Variants in SYNE2 observed in about 807,000 individuals in gnomAD.
SYNE2 encodes spectrin repeat containing nuclear envelope protein 2.
In SYNE2, 431 loss-of-function variants were observed where a neutral mutation model predicts 856.3. That is an observed-to-expected ratio of 0.50 (90% CI 0.47 to 0.55). SYNE2 has a LOEUF of 0.55. Among genes scored for constraint, SYNE2 ranks in the 20% least tolerant of loss-of-function variants. SYNE2 has a pLI of 0.00. For missense variants in SYNE2, 8,129 were observed against 8,023.2 expected (o/e 1.01, Z -0.50); for synonymous variants, 2,923 against 2,872.3 (o/e 1.02, Z -0.56).
intron 44 of SYNE2, among the ~76,000 whole-genome samples, chr14:64,030,368 A>G (rs1007753571): frequency 1.3e-5 from 2 of 152,310 alleles, no homozygotes; most frequent in East Asian, 3.9e-4. Flanking sequence ...CTTGGCTGTT[A>G]GTTGGATGAA....
At chr14:63,863,088 G>A (rs911185807) in intron 1 of SYNE2, among the ~76,000 whole-genome samples, 8 of 152,150 alleles carry the variant, frequency 5.3e-5, no homozygotes, top group African/African-American at 1.4e-4. Context: ...CTGAGCCACC[G>A]TGCCTGGCCT....
rs529089542 is a variant in SYNE2 at position 64,058,212 on chromosome 14, G to C, written c.10067+1946G>C. ...TCTTTGCCCAGTCTGGTGTCCTAGA[G>C]AGTTTTCCCCAATGTTTTCTTTTAG... On this transcript the variant is annotated intron_variant, in intron 49 of 115. Coordinates refer to ENST00000555002, the MANE Select transcript of SYNE2 (RefSeq NM_182914.3). 5.3e-5 allele frequency among the ~76,000 whole-genome samples: 8 copies of C among 152,274 alleles called. No homozygotes were observed. In the East Asian group the frequency reaches 1.5e-3, roughly 29 times the overall value.
Position 64,088,215 on chromosome 14 carries a change from A to G in SYNE2, c.11670+359A>G, listed in dbSNP as rs116652370. Among the ~76,000 whole-genome samples the G allele has an allele frequency of 6.7e-3, 1,026 of 152,270 alleles. 14 individuals are homozygous for G. Among genetic ancestry groups the G allele is most frequent in the African/African-American group, 0.023 (961 of 41,550 alleles). On this transcript the variant is annotated intron_variant, in intron 58 of 115. Coordinates refer to ENST00000555002, the MANE Select transcript of SYNE2 (RefSeq NM_182914.3). ...AGAGTTATACTACTAACCAAGCACT[A>G]TACAACTAATCAATGTGAAGGCACA...
Position 64,123,868 on chromosome 14 carries a change from TCACA to T in SYNE2, c.13423-1195_13423-1192del, listed in dbSNP as rs34459065. ...TTACTAAACTGAAAGATTAATGATT[TCACA>T]CACACACACACACACCACCTTTTTT... On this transcript the variant is annotated intron_variant, in intron 70 of 115. Transcript: ENST00000555002. Among the ~76,000 whole-genome samples, 24 of 148,248 alleles carry T rather than the reference TCACA, an allele frequency of 1.6e-4. 1 individual carries two copies. Among genetic ancestry groups the T allele is most frequent in the Middle Eastern group, 3.5e-3 (1 of 288 alleles).
intron 1 of SYNE2, among the ~76,000 whole-genome samples, chr14:63,860,924 G>A (rs937456360): frequency 2.0e-5 from 3 of 152,134 alleles, no homozygotes; most frequent in African/African-American, 7.2e-5. Context: ...AGCTGGAGCA[G>A]TGGTTCTCAA....
intron 32 of SYNE2, among the ~76,000 whole-genome samples, chr14:64,015,276 C>G (rs371006203): frequency 1.8e-4 from 27 of 151,748 alleles, no homozygotes; most frequent in African/African-American, 6.0e-4. Flanking sequence ...GCTGTTAAAT[C>G]TCCTTTAGAT....
intron 1 of SYNE2, among the ~76,000 whole-genome samples, chr14:63,806,809 T>C (rs1888377261): frequency 8.1e-6 from 1 of 123,550 alleles, no homozygotes. Flanking sequence ...ATTTGGATCT[T>C]CTCTCTCTTT....
chr14:63,826,390 C>T (rs1166876851), intron 1 of SYNE2, among the ~76,000 whole-genome samples: 1 of 152,178 alleles, frequency 6.6e-6, no homozygotes, highest in Non-Finnish European at 1.5e-5. Context: ...ACCTCCACCT[C>T]CCAGGTTCAA....
chr14:64,161,949 C>G, intron 87 of SYNE2, 123 bp from the exon 88 acceptor site: 1 of 1,053,056 alleles, frequency 9.5e-7, no homozygotes, highest in Non-Finnish European at 1.4e-6. Context: ...TTTTAAAAAC[C>G]ATTTAACAGT....
In SYNE2 at chr14:64,186,551, A is replaced by G. The variant is rs2098492073; in HGVS notation, c.17684A>G (p.His5895Arg). Residue 5895 changes from histidine (H) to arginine (R), a missense_variant, in exon 97 of 116, where the codon CAC (histidine) becomes CGC (arginine). By Grantham distance (29) the His-to-Arg change is conservative. Transcript: ENST00000555002. ...TTGAAGGAGCAAATAGAGCATTTGC[A>G]CAGACAATGGGAGGACCTCTGCTTA... is the stretch of plus-strand genomic sequence containing the variant. ...MVLKEQIEHL[H>R]RQWEDLCLRV... 1.9e-6 allele frequency: 3 copies of G among 1,614,226 alleles called. No individual in the cohort carries two copies. The highest frequency in any genetic ancestry group is 2.5e-6 in the Non-Finnish European group (3 of 1,180,036).
intron 1 of SYNE2, among the ~76,000 whole-genome samples, chr14:63,828,755 A>G (rs1384485802): frequency 1.3e-5 from 2 of 152,060 alleles, no homozygotes; most frequent in African/African-American, 4.8e-5. Context: ...TAAATAAATA[A>G]ATAAAAATAA....
chr14:63,804,893 T>C (rs1185508339), intron 1 of SYNE2, among the ~76,000 whole-genome samples: 1 of 152,236 alleles, frequency 6.6e-6, no homozygotes, highest in East Asian at 1.9e-4. Context: ...TTTAAGCCTT[T>C]AATCTATCTT....
chr14:63,977,819 A>G lies in SYNE2; in HGVS notation c.1294-86A>G, dbSNP rs530445642. 533 of 936,162 alleles carry G rather than the reference A, an allele frequency of 5.7e-4. 4 individuals are homozygous for G. The East Asian group carries it at 0.011, about 20-fold the overall frequency. The allele number at this position is 936,162 out of a possible 1,614,324, so 58.0% of individuals were successfully genotyped here. ...GGTTTTATGATTTTTTTTTGAAAAA[A>G]GATGTAATGCAAGTGAGATTGACAA... On this transcript the variant is annotated intron_variant, in intron 12 of 115. Coordinates refer to ENST00000555002, the MANE Select transcript of SYNE2 (RefSeq NM_182914.3).
At chr14:63,842,399 A>C (rs991893466) in intron 1 of SYNE2, among the ~76,000 whole-genome samples, 1 of 142,302 alleles carries the variant, frequency 7.0e-6, no homozygotes, top group Non-Finnish European at 1.5e-5. Flanking sequence ...TGATTTGCCC[A>C]CCTCAGCCTC....
At chr14:64,131,526 G>A (rs959886856) in intron 76 of SYNE2, among the ~76,000 whole-genome samples, 1 of 152,162 alleles carries the variant, frequency 6.6e-6, no homozygotes, top group Non-Finnish European at 1.5e-5. Flanking sequence ...CATCCAACTT[G>A]TCTTGAAATT....
chr14:64,212,310 G>A (rs2098645796), intron 104 of SYNE2, among the ~76,000 whole-genome samples: 1 of 152,192 alleles, frequency 6.6e-6, no homozygotes, highest in Non-Finnish European at 1.5e-5. Flanking sequence ...GTGGGGCCAA[G>A]AACAGAGGTC....
chr14:63,806,561 T>C (rs1303253467), intron 1 of SYNE2, among the ~76,000 whole-genome samples: 2 of 152,202 alleles, frequency 1.3e-5, no homozygotes, highest in East Asian at 3.9e-4. Flanking sequence ...CAGCTCTTCT[T>C]TGTTGGTTTG....
chr14:63,936,238 C>T (rs1265625886), intron 2 of SYNE2, among the ~76,000 whole-genome samples: 1 of 152,174 alleles, frequency 6.6e-6, no homozygotes, highest in African/African-American at 2.4e-5. Flanking sequence ...CTTTTCTAGG[C>T]ACTTGGGACA....
chr14:63,868,563 A>G (rs1896043222), intron 1 of SYNE2, among the ~76,000 whole-genome samples: 1 of 152,180 alleles, frequency 6.6e-6, no homozygotes, highest in Non-Finnish European at 1.5e-5. Context: ...AAAAAGGTCA[A>G]ATTCTAGCTA....
Sources: allele counts gnomAD v4.1 joint callset (sites outside exome capture counted in the v4.1 genomes callset), GRCh38; gene constraint gnomAD v4.1.1; transcripts MANE v1.5; gene names NCBI Gene and HGNC (gene_info 2026-07-23, HGNC 2026-07-21).